The following EXOC2 variants were observed in gnomAD, a reference collection of about 807,000 sequenced individuals.
EXOC2 encodes the protein SEC5-like 1.
EXOC2 carries 70 observed loss-of-function variants against 131.8 expected under a neutral mutation model. The observed-to-expected ratio is 0.53, with a 90% CI of 0.44 to 0.65. The LOEUF is 0.65. EXOC2 is among the 30% of genes least tolerant of loss of function. The pLI is 0.00. For missense variants in EXOC2, 923 were observed against 1,108.6 expected, an observed-to-expected ratio of 0.83 and a Z score of 2.38; for synonymous variants, 411 against 398.4, an observed-to-expected ratio of 1.03 and a Z score of -0.38.
chr6:643,414 A>G (rs1317569134), intron 1 of EXOC2, among the ~76,000 whole-genome samples: 1 of 152,194 alleles, frequency 6.6e-6, no homozygotes, highest in East Asian at 1.9e-4. Context: ...CAATATCCAG[A>G]AAAGTATCCA....
intron 1 of EXOC2, among the ~76,000 whole-genome samples, chr6:662,283 T>G (rs1368362378): frequency 1.3e-5 from 2 of 152,192 alleles, no homozygotes; most frequent in Non-Finnish European, 2.9e-5. Flanking sequence ...CGGATTTAAA[T>G]GATACCTTGG....
chr6:556,640 T>C, intron 17 of EXOC2, 76 bp from the exon 18 acceptor site: 3 of 1,488,492 alleles, frequency 2.0e-6, no homozygotes, highest in Non-Finnish European at 2.8e-6. Flanking sequence ...CAAGCGAATA[T>C]GGCCCCAAGC....
rs756293721 is a variant in EXOC2 at position 629,903 on chromosome 6, A to C, written c.354T>G (p.Thr118=). The change falls in exon 4 of 28, where the codon ACT becomes ACG. Residue 118 remains threonine, a synonymous_variant. Coordinates refer to ENST00000230449, the MANE Select transcript of EXOC2 (RefSeq NM_018303.6). The stretch of plus-strand genomic sequence containing the variant: ...AGGGCGGAATTCCTTTGTTCCTGTC[A>C]GTGCGCATATCATAATAATTCATTT... ...VDEMNYYDMR[T]DRNKGIPPLS... The C allele has an allele frequency of 5.0e-6, 8 of 1,614,064 alleles. No homozygotes were observed. Among genetic ancestry groups the C allele is most frequent in the African/African-American group, 1.3e-5 (1 of 74,938 alleles).
Position 599,138 on chromosome 6 carries a change from A to C in EXOC2, c.830T>G (p.Leu277Arg), listed in dbSNP as rs1385235457. The change falls in exon 8 of 28, where the codon CTT (leucine) becomes CGT (arginine). Residue 277 changes from leucine to arginine, a missense_variant. Transcript: ENST00000230449. ...ADSTRNALNVLQRFKFLFNLP... is the reference protein window; with the variant it reads ...ADSTRNALNVRQRFKFLFNLP... ...GTTGAAAAGAAACTTAAATCGCTGAAGCACATTGAGTGCATTTCTAGTGGA... is the reference window on the plus strand; with the variant it reads ...GTTGAAAAGAAACTTAAATCGCTGACGCACATTGAGTGCATTTCTAGTGGA... 1 of 1,613,250 alleles carries C rather than the reference A, an allele frequency of 6.2e-7. No individual in the cohort carries two copies. The highest frequency in any genetic ancestry group is 1.1e-5 in the South Asian group (1 of 90,854).
At chr6:621,988 C>T (rs1357049815) in intron 4 of EXOC2, among the ~76,000 whole-genome samples, 1 of 152,142 alleles carries the variant, frequency 6.6e-6, no homozygotes, top group African/African-American at 2.4e-5. Context: ...CATGCTGAAC[C>T]CCGGCTAAGT....
intron 11 of EXOC2, among the ~76,000 whole-genome samples, chr6:578,650 T>C (rs147347987): frequency 5.3e-5 from 8 of 152,338 alleles, no homozygotes; most frequent in Admixed American, 3.9e-4. Context: ...AGAAGTTTTT[T>C]TGAAGACTTA....
intron 27 of EXOC2, 43 bp from the exon 28 acceptor site, chr6:486,807 C>T (rs763352660): frequency 2.5e-5 from 38 of 1,540,542 alleles, no homozygotes; most frequent in South Asian, 5.6e-5. Context: ...ACAGATGGGG[C>T]GGCCTAGCAA....
intron 6 of EXOC2, among the ~76,000 whole-genome samples, chr6:612,427 A>G (rs894787116): frequency 6.6e-6 from 1 of 152,238 alleles, no homozygotes; most frequent in African/African-American, 2.4e-5. Flanking sequence ...GAGCCCTTCA[A>G]ACATTTAGTT....
At chr6:656,130 T>C (rs778357543) in intron 1 of EXOC2, 1 of 1,611,206 alleles carries the variant, frequency 6.2e-7, no homozygotes. Flanking sequence ...AATGAAATAC[T>C]GAAGAGAGAC....
intron 9 of EXOC2, among the ~76,000 whole-genome samples, chr6:598,399 T>A (rs1759938798): frequency 6.6e-6 from 1 of 152,230 alleles, no homozygotes; most frequent in African/African-American, 2.4e-5. Context: ...CTTACAGATT[T>A]CATTTTTAAA....
chr6:633,130 GCAT>G lies in EXOC2; in HGVS notation c.119-16_119-14del, dbSNP rs1024408459. ...CAAATGGTCAAGCCTGAAAATAAAC[GCAT>G]GTGCATAACAAAATTCAAAGACAAG... On this transcript the variant is annotated splice_polypyrimidine_tract_variant and intron_variant, in intron 2 of 27. Coordinates refer to ENST00000230449, the MANE Select transcript of EXOC2 (RefSeq NM_018303.6). 1 of 1,609,546 alleles carries G rather than the reference GCAT, an allele frequency of 6.2e-7. No individual in the cohort carries two copies. The highest frequency in any genetic ancestry group is 8.5e-7 in the Non-Finnish European group (1 of 1,179,642).
At chr6:578,769 AT>A (rs1554131807) in intron 11 of EXOC2, among the ~76,000 whole-genome samples, 5 of 152,230 alleles carry the variant, frequency 3.3e-5, no homozygotes, top group Non-Finnish European at 7.3e-5. Context: ...TACCAAAAAA[AT>A]GTGACAGAGA....
chr6:641,352 C>T (rs756475940), intron 1 of EXOC2, among the ~76,000 whole-genome samples: 1 of 152,128 alleles, frequency 6.6e-6, no homozygotes, highest in Non-Finnish European at 1.5e-5. Flanking sequence ...TGGTGTTTTC[C>T]GGCAATAGGA....
At chr6:627,347 T>G (rs1761628202) in intron 4 of EXOC2, among the ~76,000 whole-genome samples, 1 of 152,240 alleles carries the variant, frequency 6.6e-6, no homozygotes, top group Non-Finnish European at 1.5e-5. Context: ...TCTTTCATTT[T>G]CTTGCTTCCT....
At chr6:622,550 G>C (rs1761345845) in intron 4 of EXOC2, among the ~76,000 whole-genome samples, 1 of 152,184 alleles carries the variant, frequency 6.6e-6, no homozygotes, top group African/African-American at 2.4e-5. Context: ...CACAATGGTA[G>C]CAAGTAACGC....
chr6:551,530 G>T (rs568934793), intron 21 of EXOC2, among the ~76,000 whole-genome samples: 1 of 152,130 alleles, frequency 6.6e-6, no homozygotes, highest in African/African-American at 2.4e-5. Flanking sequence ...GAGAGCTGCC[G>T]CGTCACAGGG....
At chr6:684,126 A>T (rs1047320787) in intron 1 of EXOC2, among the ~76,000 whole-genome samples, 1 of 152,212 alleles carries the variant, frequency 6.6e-6, no homozygotes, top group Non-Finnish European at 1.5e-5. Flanking sequence ...CCTCGCACGC[A>T]ACATCTACAA....
chr6:644,505 C>A (rs1426115934), intron 1 of EXOC2, among the ~76,000 whole-genome samples: 1 of 151,944 alleles, frequency 6.6e-6, no homozygotes, highest in Non-Finnish European at 1.5e-5. Context: ...TCTAGCAGTG[C>A]AATAGGGCGA....
intron 7 of EXOC2, among the ~76,000 whole-genome samples, chr6:609,701 C>G (rs1315229077): frequency 6.6e-6 from 1 of 152,168 alleles, no homozygotes; most frequent in Non-Finnish European, 1.5e-5. Context: ...ATCTGTTACT[C>G]TTGTGGCTGA....
Sources: allele counts gnomAD v4.1 joint callset (sites outside exome capture counted in the v4.1 genomes callset), GRCh38; gene constraint gnomAD v4.1.1; transcripts MANE v1.5; gene names NCBI Gene and HGNC (gene_info 2026-07-23, HGNC 2026-07-21).